The following AP5M1 variants were observed in gnomAD, a reference collection of about 807,000 sequenced individuals.
AP5M1 encodes adaptor related protein complex 5 subunit mu 1.
A neutral mutation model predicts 52.3 loss-of-function variants in AP5M1; 44 were observed. The observed-to-expected ratio is 0.84, with a 90% confidence interval of 0.66 to 1.08. AP5M1 has a LOEUF of 1.08. AP5M1 is among the 50% of genes least tolerant of loss of function. The pLI is 0.00. For missense variants in AP5M1, 526 were observed against 568.4 expected (o/e 0.93, Z 0.76); for synonymous variants, 213 against 199.0 (o/e 1.07, Z -0.59).
intron 7 of AP5M1, 125 bp downstream of exon 7, chr14:57,286,444 G>A: frequency 1.5e-6 from 1 of 669,254 alleles, no homozygotes; most frequent in Non-Finnish European, 2.6e-6. Context: ...ATAAAATTCT[G>A]GGCTGATTCT....
chr14:57,294,558 C>T lies in AP5M1; in HGVS notation c.*5674C>T, dbSNP rs1411065380. 1.3e-5 allele frequency: 2 copies of T among 151,602 alleles called. No individual in the cohort carries two copies. The highest frequency in any genetic ancestry group is 4.8e-5 in the African/African-American group (2 of 41,286). 9.4% of individuals were successfully genotyped at this position (151,602 alleles called of 1,614,324 possible). ...GTGTGAGCTAATTTATTTATATTAA[C>T]TCTTATTAATTTGCCAGTGGTTGAA... On this transcript the variant is annotated 3_prime_UTR_variant, in exon 8 of 8. Transcript: ENST00000261558.
chr14:57,280,098 A>C (rs1885134565), intron 2 of AP5M1, 97 bp from the exon 3 acceptor site: 1 of 844,190 alleles, frequency 1.2e-6, no homozygotes, highest in Admixed American at 1.9e-5. Context: ...GAGAAAAGTG[A>C]GTTAATTGGG....
rs369592567 is a variant in AP5M1 at position 57,279,480 on chromosome 14, G to A, written c.721-715G>A. ...CACTTATAAGTGGGAGCTGAATGAC[G>A]AGACCACATGGTCACAAGCGGGGAA... On this transcript the variant is annotated intron_variant, in intron 2 of 7. Coordinates refer to ENST00000261558, the MANE Select transcript of AP5M1 (RefSeq NM_018229.4). Among the ~76,000 whole-genome samples, 16 of 152,116 alleles carry A rather than the reference G, an allele frequency of 1.1e-4. No homozygotes were observed. The East Asian group carries it at 2.9e-3, about 27-fold the overall frequency.
chr14:57,290,138 C>T lies in AP5M1; in HGVS notation c.*1254C>T, dbSNP rs1269834768. The T allele has an allele frequency of 1.3e-5, 2 of 151,836 alleles. No individual in the cohort carries two copies. The highest frequency in any genetic ancestry group is 4.8e-5 in the African/African-American group (2 of 41,354). The allele number at this position is 151,836 out of a possible 1,614,324, so 9.4% of individuals were successfully genotyped here. A position where few individuals can be genotyped will look rare whatever the true frequency, so the allele number is the denominator to read the frequency against. On this transcript the variant is annotated 3_prime_UTR_variant, in exon 8 of 8. Coordinates refer to ENST00000261558, the MANE Select transcript of AP5M1 (RefSeq NM_018229.4). ...GAAAAGCTTAGAAAAGCTGCTAACT[C>T]CTCAGAAGAAAGCATGATAGTTTAA...
rs150305737 is a variant in AP5M1, at chr14:57,284,084, C to A, written c.1293+854C>A. 2.1e-3 allele frequency among the ~76,000 whole-genome samples: 316 copies of A among 152,254 alleles called. 2 individuals are homozygous for A. The highest frequency in any genetic ancestry group is 7.2e-3 in the African/African-American group (301 of 41,540). ...GTTGCACATCAACAATTTATCAGTG[C>A]TAACAGCTTTGGTATTTCAAGAAAA... On this transcript the variant is annotated intron_variant, in intron 6 of 7. Coordinates refer to ENST00000261558, the MANE Select transcript of AP5M1 (RefSeq NM_018229.4).
intron 6 of AP5M1, among the ~76,000 whole-genome samples, chr14:57,285,932 G>T (rs1300456033): frequency 1.3e-5 from 2 of 152,046 alleles, no homozygotes; most frequent in African/African-American, 4.8e-5. Context: ...AGTTCACTCA[G>T]CATACCTTGC....
At chr14:57,278,636 A>G (rs1359938392) in intron 2 of AP5M1, 1 of 152,272 alleles carries the variant, frequency 6.6e-6, no homozygotes, top group Non-Finnish European at 1.5e-5. Flanking sequence ...TACAGAATGT[A>G]AGGCTTCACA....
chr14:57,274,444 A>G lies in AP5M1; in HGVS notation c.275A>G (p.Glu92Gly). 1 of 1,614,190 alleles carries G rather than the reference A, an allele frequency of 6.2e-7. No homozygotes were observed. Among genetic ancestry groups the G allele is most frequent in the Non-Finnish European group, 8.5e-7 (1 of 1,180,032 alleles). The change falls in exon 2 of 8, where the codon GAA (glutamate) becomes GGA (glycine). Residue 92 changes from glutamate (E) to glycine (G), a missense_variant. Transcript: ENST00000261558. ...SIYGLLIGGE[E>G]LWPVVAFLKN... ...TATGGACTCCTGATAGGAGGTGAAGAACTCTGGCCAGTTGTTGCTTTTCTG... is the reference window on the plus strand; with the variant it reads ...TATGGACTCCTGATAGGAGGTGAAGGACTCTGGCCAGTTGTTGCTTTTCTG...
At chr14:57,278,944 T>C (rs1250910234) in intron 2 of AP5M1, among the ~76,000 whole-genome samples, 2 of 152,178 alleles carry the variant, frequency 1.3e-5, no homozygotes, top group Non-Finnish European at 2.9e-5. Context: ...TCAACGTCAC[T>C]GATCATTAGA....
chr14:57,295,065 A>G lies in AP5M1; in HGVS notation c.*6181A>G, dbSNP rs964862539. On this transcript the variant is annotated 3_prime_UTR_variant, in exon 8 of 8. Transcript: ENST00000261558. Reference sequence around the variant, plus strand: ...AGCAAAAGGCAAAGGTTCCATCACCATCCTGTGGAAATACGTGAGTTGTTC... The same window carrying G: ...AGCAAAAGGCAAAGGTTCCATCACCGTCCTGTGGAAATACGTGAGTTGTTC... 6.6e-6 allele frequency: 1 copy of G among 151,898 alleles called. No homozygotes were observed. The highest frequency in any genetic ancestry group is 1.9e-4 in the East Asian group (1 of 5,176). The allele number at this position is 151,898 out of a possible 1,614,324, so 9.4% of individuals were successfully genotyped here.
chr14:57,296,111 T>G lies in AP5M1; in HGVS notation c.*7227T>G, dbSNP rs1192973876. The G allele has an allele frequency of 6.6e-6, 1 of 152,066 alleles. No homozygotes were observed. The highest frequency in any genetic ancestry group is 1.5e-5 in the Non-Finnish European group (1 of 67,952). The allele number at this position is 152,066 out of a possible 1,614,324, so 9.4% of individuals were successfully genotyped here. ...TTTAGAAGGAATTTTAGCCTTTACC[T>G]TTCTAAAATGAACAATTTAAATCAC... On this transcript the variant is annotated 3_prime_UTR_variant, in exon 8 of 8. Transcript: ENST00000261558.
At chr14:57,275,819 A>C (rs1885021132) in intron 2 of AP5M1, among the ~76,000 whole-genome samples, 1 of 152,232 alleles carries the variant, frequency 6.6e-6, no homozygotes, top group Non-Finnish European at 1.5e-5. Flanking sequence ...ATAACAATAC[A>C]GTTAGCAGTG....
intron 7 of AP5M1, among the ~76,000 whole-genome samples, chr14:57,287,103 T>C (rs2139697313): frequency 6.6e-6 from 1 of 152,180 alleles, no homozygotes; most frequent in South Asian, 2.1e-4. Context: ...AATAGAAATA[T>C]GTAACATCGA....
At chr14:57,273,857 A>G (rs1043524836) in intron 1 of AP5M1, 23 of 634,844 alleles carry the variant, frequency 3.6e-5, no homozygotes, top group Non-Finnish European at 5.6e-5. Flanking sequence ...TCTAGCTACT[A>G]AGATAGAATC....
intron 2 of AP5M1, among the ~76,000 whole-genome samples, chr14:57,276,291 T>C (rs976379330): frequency 6.6e-6 from 1 of 152,118 alleles, no homozygotes; most frequent in African/African-American, 2.4e-5. Context: ...AATAGAAAAA[T>C]ATGGCCTGGC....
rs1340091684 is a variant in AP5M1, at chr14:57,294,613, T to C, written c.*5729T>C. 2.0e-5 allele frequency: 3 copies of C among 151,944 alleles called. No individual in the cohort carries two copies. The highest frequency in any genetic ancestry group is 2.9e-5 in the Non-Finnish European group (2 of 67,870). 9.4% of individuals were successfully genotyped at this position (151,944 alleles called of 1,614,324 possible). A position where few individuals can be genotyped will look rare whatever the true frequency, so the allele number is the denominator to read the frequency against. On this transcript the variant is annotated 3_prime_UTR_variant, in exon 8 of 8. Transcript: ENST00000261558. ...GAGTTTCTTTTCTCCACTGGTTTTA[T>C]AGGTGTGTTTAGTGTGAAGAATGTG...
intron 1 of AP5M1, chr14:57,273,848 C>G (rs1264603068): frequency 1.4e-5 from 9 of 655,926 alleles, no homozygotes; most frequent in Non-Finnish European, 2.2e-5. Flanking sequence ...TAGCCCTACT[C>G]TAGCTACTAA....
At chr14:57,281,021 T>C (rs760886641) in intron 3 of AP5M1, among the ~76,000 whole-genome samples, 1 of 152,106 alleles carries the variant, frequency 6.6e-6, no homozygotes, top group Non-Finnish European at 1.5e-5. Context: ...ATTTTAACCA[T>C]GAACATAAAA....
chr14:57,275,837 C>G (rs990910286), intron 2 of AP5M1, among the ~76,000 whole-genome samples: 1 of 152,094 alleles, frequency 6.6e-6, no homozygotes, highest in Non-Finnish European at 1.5e-5. Flanking sequence ...GTGATTAATG[C>G]CATGTTGAAT....
Sources: allele counts gnomAD v4.1 joint callset (sites outside exome capture counted in the v4.1 genomes callset), GRCh38; gene constraint gnomAD v4.1.1; transcripts MANE v1.5; gene names NCBI Gene and HGNC (gene_info 2026-07-23, HGNC 2026-07-21).